LRBA: variants seen among roughly 807,000 people sequenced by gnomAD.
LRBA encodes the protein lipopolysaccharide-responsive and beige-like anchor protein.
In LRBA, 176 loss-of-function variants were observed where a neutral mutation model predicts 330.0. The ratio of observed to expected loss-of-function variants is 0.53; its 90% CI spans 0.47 to 0.60. The LOEUF is 0.60. LRBA is among the 20% of genes least tolerant of loss of function. LRBA has a pLI of 0.00. For missense variants in LRBA, 3,259 were observed against 3,444.8 expected (o/e 0.95, Z 1.35); for synonymous variants, 1,230 against 1,193.0 (o/e 1.03, Z -0.64).
Position 150,852,601 on chromosome 4 carries a change from T to C in LRBA, c.3109A>G (p.Thr1037Ala). The C allele has an allele frequency of 1.2e-6, 2 of 1,614,044 alleles. No individual in the cohort carries two copies. The highest frequency in any genetic ancestry group is 1.7e-6 in the Non-Finnish European group (2 of 1,179,994). ...ELPDEGTLEE[T>A]LTNETRNADD... The stretch of plus-strand genomic sequence containing the variant: ...GCATTCCTTGTCTCATTTGTCAGTG[T>C]TTCTTCCAAAGTGCCTTCATCTGGT... Residue 1037 changes from threonine to alanine, a missense_variant, in exon 23 of 57, where the codon ACA becomes GCA. Coordinates refer to ENST00000651943, the MANE Select transcript of LRBA (RefSeq NM_001364905.1).
chr4:151,003,294 G>A (rs1220888662), intron 2 of LRBA, among the ~76,000 whole-genome samples: 1 of 151,374 alleles, frequency 6.6e-6, no homozygotes, highest in African/African-American at 2.4e-5. Flanking sequence ...CTACTTGGGA[G>A]GCTGAGGCAG....
chr4:150,265,658 AGAG>A lies in LRBA; in HGVS notation c.*61_*63del. ...TTAAGTTACATTCAGATGTGGTAGA[AGAG>A]AATGATGCTCCAGGTACTTCTGCTC... On this transcript the variant is annotated 3_prime_UTR_variant, in exon 57 of 57. Transcript: ENST00000651943. 9.7e-7 allele frequency: 1 copy of A among 1,036,248 alleles called. No homozygotes were observed. The highest frequency in any genetic ancestry group is 2.4e-5 in the East Asian group (1 of 42,232). 64.2% of individuals were successfully genotyped at this position (1,036,248 alleles called of 1,614,324 possible).
At chr4:150,655,278 T>C (rs1054846890) in intron 37 of LRBA, among the ~76,000 whole-genome samples, 2 of 152,262 alleles carry the variant, frequency 1.3e-5, no homozygotes, top group Admixed American at 6.5e-5. Flanking sequence ...TTTTCTACCT[T>C]GTTTTGTTCA....
At chr4:150,732,574 G>A (rs763385206) in intron 36 of LRBA, among the ~76,000 whole-genome samples, 1 of 151,820 alleles carries the variant, frequency 6.6e-6, no homozygotes, top group Non-Finnish European at 1.5e-5. Context: ...TCACTTTTAG[G>A]TTCTTTTGTG....
chr4:150,639,617 A>T, intron 37 of LRBA, among the ~76,000 whole-genome samples: 1 of 143,450 alleles, frequency 7.0e-6, no homozygotes, highest in Middle Eastern at 3.5e-3. Context: ...AATTCTAGAC[A>T]TTCCACAAGA....
intron 2 of LRBA, among the ~76,000 whole-genome samples, chr4:150,975,355 C>A (rs968939270): frequency 6.6e-6 from 1 of 151,684 alleles, no homozygotes; most frequent in African/African-American, 2.4e-5. Context: ...CGTGGTGAAA[C>A]CCCATCTTAA....
Position 150,474,622 on chromosome 4 carries a change from A to G in LRBA, c.6552-2883T>C, listed in dbSNP as rs753519440. On this transcript the variant is annotated intron_variant, in intron 42 of 56. Transcript: ENST00000651943. ...ATATTGAATCTTCTGATCCATGAAC[A>G]TGGAATGTCTCCATTTATTAAGGTC... is the stretch of plus-strand genomic sequence containing the variant. Among the ~76,000 whole-genome samples the G allele has an allele frequency of 2.0e-4, 31 of 152,306 alleles. 1 individual carries two copies. Among genetic ancestry groups the G allele is most frequent in the Non-Finnish European group, 3.7e-4 (25 of 68,012 alleles).
intron 48 of LRBA, among the ~76,000 whole-genome samples, chr4:150,331,959 T>C (rs1376107494): frequency 6.6e-6 from 1 of 152,156 alleles, no homozygotes; most frequent in Non-Finnish European, 1.5e-5. Flanking sequence ...CTAAAAATTG[T>C]GATAATAACT....
chr4:150,943,582 T>C (rs1735909355), intron 2 of LRBA, among the ~76,000 whole-genome samples: 1 of 152,184 alleles, frequency 6.6e-6, no homozygotes, highest in African/African-American at 2.4e-5. Context: ...ATTAACTATG[T>C]TTTAAGCAAA....
chr4:150,799,088 G>T (rs1175366117), intron 33 of LRBA, among the ~76,000 whole-genome samples: 1 of 151,764 alleles, frequency 6.6e-6, no homozygotes, highest in African/African-American at 2.4e-5. Context: ...GTTTAAATAC[G>T]AATGCTTCCA....
chr4:150,553,777 T>C (rs529819011), intron 40 of LRBA, among the ~76,000 whole-genome samples: 2 of 152,282 alleles, frequency 1.3e-5, no homozygotes, highest in African/African-American at 4.8e-5. Context: ...ATGTTGAGTT[T>C]GTTTGGGAAT....
intron 14 of LRBA, among the ~76,000 whole-genome samples, chr4:150,898,952 T>C (rs952314786): frequency 1.3e-5 from 2 of 152,208 alleles, no homozygotes; most frequent in South Asian, 2.1e-4. Flanking sequence ...AAAAGTAGTA[T>C]GCAAATTGAA....
At chr4:150,501,522 G>A (rs146688932) in intron 40 of LRBA, among the ~76,000 whole-genome samples, 3 of 152,074 alleles carry the variant, frequency 2.0e-5, no homozygotes, top group African/African-American at 7.2e-5. Flanking sequence ...TGAGGCAGGA[G>A]AATCACTTGG....
chr4:150,351,785 A>C lies in LRBA; in HGVS notation c.7195-1626T>G, dbSNP rs545492401. On this transcript the variant is annotated intron_variant, in intron 47 of 56. Transcript: ENST00000651943. ...CCCCAGTAGATGCCTGAATCTGTGA[A>C]TAGTACCAAACCCTATACCTATATG... 3.3e-5 allele frequency among the ~76,000 whole-genome samples: 5 copies of C among 152,358 alleles called. No homozygotes were observed. In the South Asian group the frequency reaches 1.0e-3, roughly 32 times the overall value.
At chr4:150,439,791 A>G (rs1265252845) in intron 44 of LRBA, among the ~76,000 whole-genome samples, 2 of 152,184 alleles carry the variant, frequency 1.3e-5, no homozygotes, top group Non-Finnish European at 2.9e-5. Context: ...GCAGCTTCAT[A>G]ATAAAATGGA....
At chr4:150,617,642 CA>C (rs575248314) in intron 37 of LRBA, among the ~76,000 whole-genome samples, 109 of 142,272 alleles carry the variant, frequency 7.7e-4, no homozygotes, top group African/African-American at 1.5e-3. Context: ...GACTTCGTCT[CA>C]AAAAAAAAAA....
Position 150,844,773 on chromosome 4 carries a change from G to T in LRBA, c.4346C>A (p.Ala1449Glu), listed in dbSNP as rs758924663. Residue 1449 changes from alanine (A) to glutamate (E), a missense_variant, in exon 27 of 57, where the codon GCA (alanine) becomes GAA (glutamate). Ala to Glu is a moderately radical substitution (Grantham distance 107, BLOSUM62 -1). Coordinates refer to ENST00000651943, the MANE Select transcript of LRBA (RefSeq NM_001364905.1). ...ILRQCLRLVC[A>E]VAVRNCLECQ... is the part of the protein sequence containing the mutation. ...CTCCAAGCAATTCCTTACTGCGACT[G>T]CACAAACTGTAATTTATTTTAAGGA... 1 of 1,608,544 alleles carries T rather than the reference G, an allele frequency of 6.2e-7. No individual in the cohort carries two copies. Among genetic ancestry groups the T allele is most frequent in the East Asian group, 2.2e-5 (1 of 44,782 alleles).
At chr4:150,565,051 A>C (rs1181846799) in intron 40 of LRBA, among the ~76,000 whole-genome samples, 1 of 152,178 alleles carries the variant, frequency 6.6e-6, no homozygotes, top group Non-Finnish European at 1.5e-5. Flanking sequence ...ATAAAGACAC[A>C]TGCACATGTA....
At chr4:150,527,261 G>A (rs1763577689) in intron 40 of LRBA, among the ~76,000 whole-genome samples, 1 of 151,884 alleles carries the variant, frequency 6.6e-6, no homozygotes, top group Non-Finnish European at 1.5e-5. Context: ...TTTAAACATC[G>A]AATCCGAGAT....
Sources: gnomAD v4.1 joint callset for allele counts (sites outside exome capture counted in the v4.1 genomes callset) on GRCh38, gnomAD v4.1.1 for gene constraint, MANE v1.5 for transcripts, NCBI Gene and HGNC (gene_info 2026-07-23, HGNC 2026-07-21) for gene names.